Variants in SDK1 observed in about 807,000 individuals in gnomAD.
SDK1 encodes the protein sidekick cell adhesion molecule 1.
A neutral mutation model predicts 245.5 loss-of-function variants in SDK1; 157 were observed. The observed-to-expected ratio is 0.64, with a 90% confidence interval of 0.56 to 0.73. SDK1 has a LOEUF of 0.73. Ranked by LOEUF, SDK1 falls within the 30% of genes least tolerant of loss-of-function variation. The pLI is 0.00. For synonymous variants in SDK1, 1,647 were observed against 1,278.5 expected, an observed-to-expected ratio of 1.29 and a Z score of -6.15; for missense variants, 3,583 against 3,002.3, an observed-to-expected ratio of 1.19 and a Z score of -4.52.
At chr7:3,302,766 G>C (rs903486735) in intron 1 of SDK1, among the ~76,000 whole-genome samples, 1 of 152,108 alleles carries the variant, frequency 6.6e-6, no homozygotes, top group Non-Finnish European at 1.5e-5. Flanking sequence ...AAACACATTA[G>C]TGAACTGGTT....
rs772091035 is a variant in SDK1 at position 4,158,441 on chromosome 7, A to G, written c.4626-7A>G. On this transcript the variant is annotated splice_polypyrimidine_tract_variant and splice_region_variant and intron_variant, in intron 30 of 44. Transcript: ENST00000404826. Reference sequence around the variant, plus strand: ...CCCCGGCAGTCACGGTCTCTTCCACATTGCAGACTGAGGCCCTTCACCTCC... The same window carrying G: ...CCCCGGCAGTCACGGTCTCTTCCACGTTGCAGACTGAGGCCCTTCACCTCC... 11 of 1,610,794 alleles carry G rather than the reference A, an allele frequency of 6.8e-6. No homozygotes were observed. In the African/African-American group the frequency reaches 1.2e-4, roughly 18 times the overall value.
At chr7:4,079,607 A>G (rs1160766988) in intron 22 of SDK1, 23 bp downstream of exon 22, 1 of 1,613,614 alleles carries the variant, frequency 6.2e-7, no homozygotes, top group South Asian at 1.1e-5. Flanking sequence ...TTAGACTGGG[A>G]GCTGGCATTT....
intron 4 of SDK1, among the ~76,000 whole-genome samples, chr7:3,664,231 C>T (rs934118541): frequency 4.6e-5 from 7 of 151,994 alleles, no homozygotes; most frequent in Non-Finnish European, 7.4e-5. Context: ...CAGAGGTGTG[C>T]GGAGGAGCTC....
intron 32 of SDK1, among the ~76,000 whole-genome samples, chr7:4,172,404 C>G (rs957351417): frequency 6.6e-6 from 1 of 152,192 alleles, no homozygotes; most frequent in African/African-American, 2.4e-5. Context: ...GCCCCCCTCA[C>G]TATCCAAGCC....
chr7:4,267,407 C>G lies in SDK1; in HGVS notation c.*2023C>G, dbSNP rs1392898009. 3.0e-6 allele frequency: 3 copies of G among 985,204 alleles called. No homozygotes were observed. The highest frequency in any genetic ancestry group is 1.7e-5 in the African/African-American group (1 of 57,196). 61.0% of individuals were successfully genotyped at this position (985,204 alleles called of 1,614,324 possible). Reference sequence around the variant, plus strand: ...TTCTAAACCAAAAATCCTAGATGCTCTGCCCAAAGCCACTTCTGCATGAGA... The same window carrying G: ...TTCTAAACCAAAAATCCTAGATGCTGTGCCCAAAGCCACTTCTGCATGAGA... On this transcript the variant is annotated 3_prime_UTR_variant, in exon 45 of 45. Transcript: ENST00000404826.
chr7:4,250,651 T>G (rs771842969), intron 44 of SDK1, among the ~76,000 whole-genome samples: 1 of 152,158 alleles, frequency 6.6e-6, no homozygotes, highest in Non-Finnish European at 1.5e-5. Context: ...GGCCAGGAAG[T>G]GTATTTTTCT....
intron 4 of SDK1, among the ~76,000 whole-genome samples, chr7:3,682,197 A>G (rs1219738245): frequency 6.6e-6 from 1 of 152,202 alleles, no homozygotes; most frequent in East Asian, 1.9e-4. Context: ...CAACCCAGGT[A>G]TTATTATACC....
chr7:4,249,391 C>T (rs1419391199), intron 44 of SDK1, among the ~76,000 whole-genome samples: 2 of 152,216 alleles, frequency 1.3e-5, no homozygotes, highest in Non-Finnish European at 2.9e-5. Context: ...CCAGGCCACA[C>T]TGCTCCCACA....
intron 1 of SDK1, among the ~76,000 whole-genome samples, chr7:3,554,432 C>T (rs1412689279): frequency 1.3e-5 from 2 of 151,920 alleles, no homozygotes; most frequent in East Asian, 3.8e-4. Flanking sequence ...ATTTGGGACG[C>T]AGGTAAAGCA....
chr7:3,669,412 G>T (rs1302180995), intron 4 of SDK1, among the ~76,000 whole-genome samples: 1 of 151,902 alleles, frequency 6.6e-6, no homozygotes, highest in Non-Finnish European at 1.5e-5. Context: ...ATCTACTTCT[G>T]CTCCCACCAA....
At position 3,821,489 on chromosome 7, in the gene SDK1, C is replaced by G. The variant is rs759312288; in HGVS notation, c.753C>G (p.Thr251=). 4.3e-6 allele frequency: 7 copies of G among 1,613,544 alleles called. No homozygotes were observed. The highest frequency in any genetic ancestry group is 5.9e-6 in the Non-Finnish European group (7 of 1,179,832). Residue 251 remains threonine, a synonymous_variant, in exon 5 of 45, where the codon ACC becomes ACG. Coordinates refer to ENST00000404826, the MANE Select transcript of SDK1 (RefSeq NM_152744.4). The stretch of plus-strand genomic sequence containing the variant: ...AGAATCAGCTGGTGATCCTCGCCAC[C>G]ACAACCAGTGATGCCGGGGCATACT... The part of the protein sequence containing the change: ...TLENQLVILA[T]TTSDAGAYYV...
intron 19 of SDK1, 150 bp downstream of exon 19, chr7:4,051,980 G>C: frequency 1.6e-6 from 1 of 640,818 alleles, no homozygotes; most frequent in African/African-American, 1.8e-5. Context: ...GGGAGATCAG[G>C]CATCAGTACT....
At position 3,779,825 on chromosome 7, in the gene SDK1, G is replaced by C. The variant is rs559744992; in HGVS notation, c.714-41625G>C. On this transcript the variant is annotated intron_variant, in intron 4 of 44. Coordinates refer to ENST00000404826, the MANE Select transcript of SDK1 (RefSeq NM_152744.4). ...CGGGCGCCTGTAGTCCCAGCTACTC[G>C]GGAGGCTGAGGCAGGAGAATGGCGT... is the stretch of plus-strand genomic sequence containing the variant. Among the ~76,000 whole-genome samples, 385 of 151,908 alleles carry C rather than the reference G, an allele frequency of 2.5e-3. 2 individuals are homozygous for C. Among genetic ancestry groups the C allele is most frequent in the African/African-American group, 8.4e-3 (347 of 41,412 alleles).
chr7:3,975,783 T>A (rs1406822253), intron 13 of SDK1, among the ~76,000 whole-genome samples: 3 of 152,246 alleles, frequency 2.0e-5, no homozygotes, highest in Non-Finnish European at 4.4e-5. Context: ...TGACCCCTTG[T>A]TCTCTTTAGA....
intron 5 of SDK1, among the ~76,000 whole-genome samples, chr7:3,884,654 C>G (rs1781294230): frequency 6.6e-6 from 1 of 152,204 alleles, no homozygotes; most frequent in Non-Finnish European, 1.5e-5. Context: ...TCACTGGAGG[C>G]TGAGGGCAAG....
chr7:3,848,241 CA>C, intron 5 of SDK1, among the ~76,000 whole-genome samples: 1 of 152,304 alleles, frequency 6.6e-6, no homozygotes, highest in South Asian at 2.1e-4. Context: ...GAGATGGATT[CA>C]GGGGCATTTA....
intron 4 of SDK1, among the ~76,000 whole-genome samples, chr7:3,679,952 G>T (rs761018464): frequency 6.6e-6 from 1 of 152,184 alleles, no homozygotes; most frequent in African/African-American, 2.4e-5. Flanking sequence ...AAATGCACAC[G>T]CAAATGTTCA....
intron 1 of SDK1, among the ~76,000 whole-genome samples, chr7:3,592,642 C>G (rs1291200213): frequency 1.3e-5 from 2 of 152,136 alleles, no homozygotes; most frequent in Admixed American, 1.3e-4. Flanking sequence ...CTAACTGCTA[C>G]CAGACATTCG....
chr7:4,147,063 C>T (rs1179323934), intron 29 of SDK1, among the ~76,000 whole-genome samples: 3 of 152,222 alleles, frequency 2.0e-5, no homozygotes, highest in Non-Finnish European at 4.4e-5. Flanking sequence ...CCCCAGCTCC[C>T]ACTCCAGGTC....
Sources: gnomAD v4.1 joint callset for allele counts (sites outside exome capture counted in the v4.1 genomes callset) on GRCh38, gnomAD v4.1.1 for gene constraint, MANE v1.5 for transcripts, NCBI Gene and HGNC (gene_info 2026-07-23, HGNC 2026-07-21) for gene names.